Variants in GRM7 observed in about 807,000 individuals in gnomAD.
GRM7 encodes metabotropic glutamate receptor 7.
Under a neutral mutation model 84.5 loss-of-function variants are expected in GRM7, and 35 were observed. The observed-to-expected ratio is 0.41, with a 90% CI of 0.32 to 0.55. GRM7 has a LOEUF of 0.55. Ranked by LOEUF, GRM7 falls within the 20% of genes least tolerant of loss-of-function variation. GRM7 has a pLI of 0.19. For synonymous variants in GRM7, 487 were observed against 455.1 expected (o/e 1.07, Z -0.89); for missense variants, 1,003 against 1,194.6 (o/e 0.84, Z 2.36).
At chr3:7,676,169 C>T (rs1700113380) in intron 8 of GRM7, among the ~76,000 whole-genome samples, 2 of 152,184 alleles carry the variant, frequency 1.3e-5, no homozygotes, top group South Asian at 4.2e-4. Flanking sequence ...AACCATGGGA[C>T]TAAATATAGA....
chr3:7,532,252 G>A (rs1225308079), intron 7 of GRM7, among the ~76,000 whole-genome samples: 6 of 152,040 alleles, frequency 3.9e-5, no homozygotes, highest in East Asian at 1.9e-4. Context: ...CCGTTTGGTC[G>A]GGCTTTTTTT....
chr3:7,189,097 G>T (rs931496609), intron 2 of GRM7, among the ~76,000 whole-genome samples: 1 of 152,098 alleles, frequency 6.6e-6, no homozygotes, highest in African/African-American at 2.4e-5. Flanking sequence ...TCAGCCGGGA[G>T]CTGATTGCTT....
At chr3:6,969,944 C>T (rs973262953) in intron 1 of GRM7, among the ~76,000 whole-genome samples, 15 of 152,178 alleles carry the variant, frequency 9.9e-5, no homozygotes, top group Non-Finnish European at 1.3e-4. Flanking sequence ...GTGTGTAAAG[C>T]AGAAATGCAT....
chr3:7,312,520 A>G (rs73130282), intron 4 of GRM7, among the ~76,000 whole-genome samples: 4,218 of 152,244 alleles, frequency 0.028, 204 homozygotes, highest in African/African-American at 0.096. Flanking sequence ...TGCAGACTGT[A>G]GCTTGGTGAA....
At chr3:6,888,823 A>G (rs544963933) in intron 1 of GRM7, among the ~76,000 whole-genome samples, 1 of 152,280 alleles carries the variant, frequency 6.6e-6, no homozygotes, top group Non-Finnish European at 1.5e-5. Flanking sequence ...TACCTTGGGC[A>G]GTACGGCCAT....
At chr3:7,362,977 C>G (rs184795912) in intron 4 of GRM7, among the ~76,000 whole-genome samples, 1 of 151,966 alleles carries the variant, frequency 6.6e-6, no homozygotes, top group Non-Finnish European at 1.5e-5. Context: ...AAAAAGTTAC[C>G]CAGGCATGGT....
At chr3:7,481,518 G>T (rs1699127212) in intron 7 of GRM7, among the ~76,000 whole-genome samples, 1 of 152,186 alleles carries the variant, frequency 6.6e-6, no homozygotes, top group African/African-American at 2.4e-5. Context: ...GTTAAATAAT[G>T]ACTATTAGGC....
chr3:7,722,852 C>T (rs577857350), intron 9 of GRM7, among the ~76,000 whole-genome samples: 3 of 152,048 alleles, frequency 2.0e-5, no homozygotes, highest in African/African-American at 4.8e-5. Context: ...TGCAGTGGCA[C>T]TCTGAAATAC....
chr3:6,988,645 A>T (rs1694517712), intron 1 of GRM7, among the ~76,000 whole-genome samples: 1 of 152,124 alleles, frequency 6.6e-6, no homozygotes, highest in Admixed American at 6.5e-5. Flanking sequence ...ATTTCACATC[A>T]TTGTTTTCTC....
rs148175527 is a variant in GRM7 at position 7,621,007 on chromosome 3, G to A, written c.2451+41650G>A. Among the ~76,000 whole-genome samples, 27 of 152,202 alleles carry A rather than the reference G, an allele frequency of 1.8e-4. No individual in the cohort carries two copies. The East Asian group carries it at 5.0e-3, about 28-fold the overall frequency. ...TAATTTCCAGGGTGTCGTAGTCTTAGCCCAACACAGATTTTCATCTCCTCC... is the reference window on the plus strand; with the variant it reads ...TAATTTCCAGGGTGTCGTAGTCTTAACCCAACACAGATTTTCATCTCCTCC... On this transcript the variant is annotated intron_variant, in intron 8 of 9. Coordinates refer to ENST00000357716, the MANE Select transcript of GRM7 (RefSeq NM_000844.4).
At chr3:7,091,553 T>G (rs1162373544) in intron 1 of GRM7, among the ~76,000 whole-genome samples, 1 of 151,856 alleles carries the variant, frequency 6.6e-6, no homozygotes, top group African/African-American at 2.4e-5. Flanking sequence ...CTACTCCCTT[T>G]TGGATTTTCA....
At chr3:7,435,780 C>T (rs1010073624) in intron 5 of GRM7, among the ~76,000 whole-genome samples, 23 of 148,674 alleles carry the variant, frequency 1.5e-4, no homozygotes, top group African/African-American at 2.5e-4. Context: ...ATCTGCCTGC[C>T]GGGTTCATGC....
chr3:7,397,974 A>G (rs1695283887), intron 4 of GRM7, among the ~76,000 whole-genome samples: 1 of 152,128 alleles, frequency 6.6e-6, no homozygotes, highest in African/African-American at 2.4e-5. Context: ...CCAAGTTAAA[A>G]TTGACCCATG....
At chr3:7,453,756 C>T (rs1328534159) in intron 6 of GRM7, among the ~76,000 whole-genome samples, 1 of 152,016 alleles carries the variant, frequency 6.6e-6, no homozygotes, top group Non-Finnish European at 1.5e-5. Context: ...GATCGACAAC[C>T]ACGAAGAAAT....
intron 1 of GRM7, among the ~76,000 whole-genome samples, chr3:7,129,477 A>G (rs1693519109): frequency 1.3e-5 from 2 of 152,258 alleles, no homozygotes; most frequent in Admixed American, 1.3e-4. Context: ...TACATTTTTA[A>G]AAAATCAGTT....
intron 1 of GRM7, among the ~76,000 whole-genome samples, chr3:7,007,622 C>T (rs1483703247): frequency 6.6e-6 from 1 of 152,156 alleles, no homozygotes; most frequent in Non-Finnish European, 1.5e-5. Flanking sequence ...CAGTTGCCAA[C>T]TCCTGTCTGA....
chr3:7,102,602 T>C (rs993777084), intron 1 of GRM7, among the ~76,000 whole-genome samples: 4 of 151,774 alleles, frequency 2.6e-5, no homozygotes, highest in Non-Finnish European at 2.9e-5. Context: ...TGTCCTCGAA[T>C]TGGAGAACAT....
intron 1 of GRM7, among the ~76,000 whole-genome samples, chr3:6,945,784 G>A (rs998431766): frequency 6.6e-6 from 1 of 152,132 alleles, no homozygotes; most frequent in Non-Finnish European, 1.5e-5. Context: ...ACCTCATTGT[G>A]GTTTTGATTT....
chr3:6,992,562 A>G (rs913374589), intron 1 of GRM7, among the ~76,000 whole-genome samples: 1 of 152,230 alleles, frequency 6.6e-6, no homozygotes, highest in African/African-American at 2.4e-5. Context: ...TTCAAGGGCG[A>G]TAACATGGAA....
Sources: gnomAD v4.1 joint callset for allele counts (sites outside exome capture counted in the v4.1 genomes callset) on GRCh38, gnomAD v4.1.1 for gene constraint, MANE v1.5 for transcripts, NCBI Gene and HGNC (gene_info 2026-07-23, HGNC 2026-07-21) for gene names.